PDE5A: variants seen among roughly 807,000 people sequenced by gnomAD.
PDE5A encodes the protein phosphodiesterase 5A.
Under a neutral mutation model 110.2 loss-of-function variants are expected in PDE5A, and 67 were observed. The ratio of observed to expected loss-of-function variants is 0.61; its 90% CI spans 0.50 to 0.75. The LOEUF (loss-of-function observed/expected upper bound fraction) is 0.75, where lower values mean the gene tolerates loss of function less well. Ranked by LOEUF, PDE5A falls within the 30% of genes least tolerant of loss-of-function variation. The pLI is 0.00. For missense variants in PDE5A, 862 were observed against 1,045.1 expected (o/e 0.82, Z 2.42); for synonymous variants, 328 against 351.2 (o/e 0.93, Z 0.74).
rs1164021712 is a variant in PDE5A, at chr4:119,497,350, A to G, written c.*1251T>C. 1.3e-5 allele frequency: 2 copies of G among 152,292 alleles called. No homozygotes were observed. The highest frequency in any genetic ancestry group is 2.1e-4 in the South Asian group (1 of 4,832). 9.4% of individuals were successfully genotyped at this position (152,292 alleles called of 1,614,324 possible). A position where few individuals can be genotyped will look rare whatever the true frequency, so the allele number is the denominator to read the frequency against. Reference sequence around the variant, plus strand: ...AATGTGTCTTTAGGGGCACACATGTAGAATATTAATCCACTTAAATGGGCT... The same window carrying G: ...AATGTGTCTTTAGGGGCACACATGTGGAATATTAATCCACTTAAATGGGCT... On this transcript the variant is annotated 3_prime_UTR_variant, in exon 21 of 21. Transcript: ENST00000354960.
Position 119,627,264 on chromosome 4 carries a change from G to GA in PDE5A, c.152+1255_152+1256insT. The GA allele has an allele frequency of 1.9e-6, 3 of 1,576,480 alleles. No homozygotes were observed. Among genetic ancestry groups the GA allele is most frequent in the Non-Finnish European group, 2.6e-6 (3 of 1,159,994 alleles). On this transcript the variant is annotated intron_variant, in intron 1 of 20. Transcript: ENST00000354960. This position sits in a 1 kb window ranked among gnomAD's most constrained non-coding sequence, Gnocchi z 4.6. ...GCAACAACGCGCGCAGGTGAGGTGA[G>GA]GTGAGGTCGGCGACTCAGAACCAGC... is the stretch of plus-strand genomic sequence containing the variant.
intron 7 of PDE5A, among the ~76,000 whole-genome samples, chr4:119,557,663 T>C (rs1727589107): frequency 6.6e-6 from 1 of 152,176 alleles, no homozygotes; most frequent in African/African-American, 2.4e-5. Context: ...TTTATATACA[T>C]TATCTTATTT....
intron 9 of PDE5A, among the ~76,000 whole-genome samples, chr4:119,546,921 G>T (rs564769765): frequency 6.6e-6 from 1 of 151,852 alleles, no homozygotes; most frequent in African/African-American, 2.4e-5. Context: ...TTAATAATTT[G>T]ATAATTAGGC....
At chr4:119,583,478 T>C (rs527981554) in intron 3 of PDE5A, among the ~76,000 whole-genome samples, 54 of 151,374 alleles carry the variant, frequency 3.6e-4, no homozygotes, top group Non-Finnish European at 3.3e-4. Context: ...CATGTATTCA[T>C]TGGAGTGGCA....
intron 20 of PDE5A, chr4:119,500,375 G>C (rs1408576444): frequency 1.3e-5 from 2 of 151,086 alleles, no homozygotes; most frequent in African/African-American, 4.9e-5. Flanking sequence ...GAGTAGGAGT[G>C]AGAACTGGAC....
rs115037943 is a variant in PDE5A at position 119,543,129 on chromosome 4, C to G, written c.1397-495G>C. ...GCAGAAAGGAGGCAACTGACATAAG[C>G]AGTCTCAAATTTCAAATCTACACCT... On this transcript the variant is annotated intron_variant, in intron 9 of 20. Coordinates refer to ENST00000354960, the MANE Select transcript of PDE5A (RefSeq NM_001083.4). The G allele has an allele frequency of 7.8e-3, 1,164 of 148,830 alleles. 19 individuals are homozygous for G. Among genetic ancestry groups the G allele is most frequent in the African/African-American group, 0.027 (1,102 of 40,226 alleles). The allele number at this position is 148,830 out of a possible 1,614,324, so 9.2% of individuals were successfully genotyped here.
intron 1 of PDE5A, among the ~76,000 whole-genome samples, chr4:119,617,391 C>T (rs1050315836): frequency 4.6e-5 from 7 of 151,158 alleles, no homozygotes; most frequent in African/African-American, 1.5e-4. Context: ...CACGCACACA[C>T]GTGTCTGTGT....
At chr4:119,587,224 T>C (rs1229238830) in intron 3 of PDE5A, among the ~76,000 whole-genome samples, 4 of 114,010 alleles carry the variant, frequency 3.5e-5, no homozygotes, top group Non-Finnish European at 5.3e-5. Flanking sequence ...TTTGTAACTT[T>C]TCCTTTTTTT....
intron 9 of PDE5A, chr4:119,552,164 C>T (rs2110495937): frequency 6.6e-6 from 1 of 152,632 alleles, no homozygotes; most frequent in East Asian, 1.9e-4. Flanking sequence ...GTGGAGTGCT[C>T]AATAAATATT....
intron 18 of PDE5A, among the ~76,000 whole-genome samples, chr4:119,503,100 G>A (rs1725423744): frequency 6.6e-6 from 1 of 152,070 alleles, no homozygotes. Flanking sequence ...CTTATGGCGT[G>A]TTGGCTTTGG....
At chr4:119,542,872 A>G (rs1166201033) in intron 9 of PDE5A, among the ~76,000 whole-genome samples, 1 of 151,924 alleles carries the variant, frequency 6.6e-6, no homozygotes, top group East Asian at 1.9e-4. Flanking sequence ...CTAGAGTACT[A>G]TTTTCTTCCA....
chr4:119,573,035 T>C (rs1255170188), intron 3 of PDE5A, among the ~76,000 whole-genome samples: 1 of 152,232 alleles, frequency 6.6e-6, no homozygotes, highest in Non-Finnish European at 1.5e-5. Context: ...TATATAGGAA[T>C]CATTTTGCAA....
At chr4:119,503,366 C>T (rs923956046) in intron 18 of PDE5A, among the ~76,000 whole-genome samples, 1 of 152,110 alleles carries the variant, frequency 6.6e-6, no homozygotes, top group Non-Finnish European at 1.5e-5. Flanking sequence ...AACATTATAG[C>T]AGTTACTTAG....
intron 3 of PDE5A, among the ~76,000 whole-genome samples, chr4:119,573,912 G>A (rs1728226845): frequency 6.6e-6 from 1 of 152,044 alleles, no homozygotes; most frequent in South Asian, 2.1e-4. Context: ...AAATTCAAAT[G>A]CTAAAAAGCT....
chr4:119,539,952 T>C (rs966914541), intron 10 of PDE5A, among the ~76,000 whole-genome samples: 2 of 152,142 alleles, frequency 1.3e-5, no homozygotes, highest in East Asian at 1.9e-4. Context: ...AACCATTAAG[T>C]ATAATGCACA....
At chr4:119,568,405 G>T (rs1304064660) in intron 3 of PDE5A, among the ~76,000 whole-genome samples, 2 of 152,058 alleles carry the variant, frequency 1.3e-5, no homozygotes, top group Admixed American at 1.3e-4. Context: ...GAAGGTCATT[G>T]GGGTCTAATA....
rs748084595 is a variant in PDE5A, at chr4:119,497,406, A to C, written c.*1195T>G. ...TCTAAGAAAATATTAACTATACTAA[A>C]TGTTATGGGAAGAAAATACATTGAA... is the stretch of plus-strand genomic sequence containing the variant. On this transcript the variant is annotated 3_prime_UTR_variant, in exon 21 of 21. Transcript: ENST00000354960. 2.0e-5 allele frequency: 3 copies of C among 152,146 alleles called. No individual in the cohort carries two copies. The highest frequency in any genetic ancestry group is 7.2e-5 in the African/African-American group (3 of 41,444). 9.4% of individuals were successfully genotyped at this position (152,146 alleles called of 1,614,324 possible).
intron 1 of PDE5A, among the ~76,000 whole-genome samples, chr4:119,608,514 C>T (rs1325921156): frequency 6.6e-6 from 1 of 152,118 alleles, no homozygotes; most frequent in Non-Finnish European, 1.5e-5. Context: ...AATAAAAATA[C>T]TAATTTTATC....
At chr4:119,568,875 A>C (rs2110510844) in intron 3 of PDE5A, among the ~76,000 whole-genome samples, 1 of 152,336 alleles carries the variant, frequency 6.6e-6, no homozygotes, top group South Asian at 2.1e-4. Flanking sequence ...GCAATGTACT[A>C]AGCAAGAAAA....
Sources: gnomAD v4.1 joint callset for allele counts (sites outside exome capture counted in the v4.1 genomes callset) on GRCh38, gnomAD v4.1.1 for gene constraint, Gnocchi (gnomAD v3.1) non-coding constraint, MANE v1.5 for transcripts, NCBI Gene and HGNC (gene_info 2026-07-23, HGNC 2026-07-21) for gene names.